SAMHD1: variants seen among roughly 807,000 people sequenced by gnomAD.
SAMHD1 encodes the protein SAM and HD domain containing deoxynucleoside triphosphate triphosphohydrolase 1.
SAMHD1 carries 54 observed loss-of-function variants against 79.6 expected under a neutral mutation model. That is an observed-to-expected ratio of 0.68 (90% CI 0.55 to 0.85). The LOEUF (loss-of-function observed/expected upper bound fraction) is 0.85, where lower values mean the gene tolerates loss of function less well. Ranked by LOEUF, SAMHD1 falls within the 40% of genes least tolerant of loss-of-function variation. The pLI is 0.00. For missense variants in SAMHD1, 663 were observed against 782.7 expected (o/e 0.85, Z 1.82); for synonymous variants, 260 against 264.1 (o/e 0.98, Z 0.15).
At chr20:36,912,382 T>A (rs1275472172) in intron 10 of SAMHD1, 79 bp downstream of exon 10, 3 of 837,292 alleles carry the variant, frequency 3.6e-6, no homozygotes, top group Non-Finnish European at 6.2e-6. Flanking sequence ...CATCTAGAAA[T>A]GTCTAGTTGA....
chr20:36,896,851 T>G (rs976609369), intron 15 of SAMHD1, among the ~76,000 whole-genome samples: 3 of 141,604 alleles, frequency 2.1e-5, no homozygotes, highest in African/African-American at 5.3e-5. Context: ...ATGAATGAAT[T>G]AATTAATTAA....
chr20:36,915,609 C>T (rs1255066706), intron 9 of SAMHD1, among the ~76,000 whole-genome samples: 1 of 151,930 alleles, frequency 6.6e-6, no homozygotes, highest in East Asian at 1.9e-4. Flanking sequence ...TGGTAGCATG[C>T]ATCTGTAAAC....
chr20:36,911,675 A>G, intron 10 of SAMHD1: 1 of 231,400 alleles, frequency 4.3e-6, no homozygotes. Context: ...GAAACTAGAT[A>G]TCTCTGAATT....
At chr20:36,919,937 A>T (rs2063495570) in intron 6 of SAMHD1, among the ~76,000 whole-genome samples, 1 of 152,164 alleles carries the variant, frequency 6.6e-6, no homozygotes, top group Admixed American at 6.6e-5. Context: ...CAAACTTGCC[A>T]GTAAAAACAA....
chr20:36,944,642 C>A (rs1201226653), intron 2 of SAMHD1, among the ~76,000 whole-genome samples: 2 of 152,136 alleles, frequency 1.3e-5, no homozygotes, highest in African/African-American at 2.4e-5. Context: ...CGCCTATAAT[C>A]CCAGCACTTT....
chr20:36,890,409 T>TCTTTCTTTCTTTCTTTC lies in SAMHD1; in HGVS notation c.*2522_*2523insGAAAGAAAGAAAGAAAG, dbSNP rs1568754701. On this transcript the variant is annotated 3_prime_UTR_variant, in exon 16 of 16. Transcript: ENST00000646673. ...AGATATTTCTTTCTCTTTCTTTCTT[T>TCTTTCTTTCTTTCTTTC]CTTTCTTTCTTTTCTTTCTCTCTTT... 6.7e-6 allele frequency: 1 copy of TCTTTCTTTCTTTCTTTC among 149,880 alleles called. No homozygotes were observed. Among genetic ancestry groups the TCTTTCTTTCTTTCTTTC allele is most frequent in the Non-Finnish European group, 1.5e-5 (1 of 67,634 alleles). 9.3% of individuals were successfully genotyped at this position (149,880 alleles called of 1,614,324 possible). A position where few individuals can be genotyped will look rare whatever the true frequency, so the allele number is the denominator to read the frequency against.
At chr20:36,934,344 T>C (rs1056715805) in intron 4 of SAMHD1, among the ~76,000 whole-genome samples, 126 of 151,346 alleles carry the variant, frequency 8.3e-4, no homozygotes, top group Non-Finnish European at 5.7e-4. Context: ...GCCAAGATGG[T>C]GAAACCCCGT....
In SAMHD1 at chr20:36,904,456, C is replaced by A; in HGVS notation, c.1411-207G>T. Reference sequence around the variant, plus strand: ...AAAAGTGGCCAGGCGCAGTGGCTCACGTCTATAATCCCAGCACTTTGGGAG... The same window carrying A: ...AAAAGTGGCCAGGCGCAGTGGCTCAAGTCTATAATCCCAGCACTTTGGGAG... On this transcript the variant is annotated intron_variant, in intron 12 of 15. Transcript: ENST00000646673. The A allele has an allele frequency of 1.3e-5, 7 of 518,670 alleles. No individual in the cohort carries two copies. The South Asian group carries it at 1.4e-4, about 10-fold the overall frequency. 32.1% of individuals were successfully genotyped at this position (518,670 alleles called of 1,614,324 possible). A position where few individuals can be genotyped will look rare whatever the true frequency, so the allele number is the denominator to read the frequency against.
rs138089277 is a variant in SAMHD1 at position 36,912,519 on chromosome 20, G to A, written c.1096C>T (p.Arg366Cys). ...VGNLYDMFHTRNSLHRRAYQH... is the reference protein window; with the variant it reads ...VGNLYDMFHTCNSLHRRAYQH... Reference sequence around the variant, plus strand: ...TAAGCTCTACGGTGTAAAGAGTTGCGAGTGTGGAACATGTCATACAGATTT... The same window carrying A: ...TAAGCTCTACGGTGTAAAGAGTTGCAAGTGTGGAACATGTCATACAGATTT... The change falls in exon 10 of 16, where the codon CGC (arginine) becomes TGC (cysteine). Residue 366 changes from arginine to cysteine, a missense_variant. Transcript: ENST00000646673. 3.7e-6 allele frequency: 6 copies of A among 1,613,056 alleles called. No individual in the cohort carries two copies. Among genetic ancestry groups the A allele is most frequent in the East Asian group, 2.2e-5 (1 of 44,864 alleles).
chr20:36,919,517 A>C lies in SAMHD1; in HGVS notation c.699T>G (p.His233Gln). Residue 233 changes from histidine (H) to glutamine (Q), a missense_variant and splice_region_variant, in exon 7 of 16, where the codon CAT becomes CAG. Physicochemically the swap from His to Gln is conservative, Grantham distance 24. Transcript: ENST00000646673. ...PLARPEVKWT[H>Q]EQGSVMMFEH... ...CAAACATCATAACTGAGCCTTGTTC[A>C]TGCTAGGAAAAGTAAGCACAATATG... 1.2e-6 allele frequency: 2 copies of C among 1,613,304 alleles called. No homozygotes were observed. The highest frequency in any genetic ancestry group is 1.7e-6 in the Non-Finnish European group (2 of 1,179,824).
chr20:36,950,642 G>T (rs111690939), intron 1 of SAMHD1, among the ~76,000 whole-genome samples: 6 of 152,304 alleles, frequency 3.9e-5, no homozygotes, highest in African/African-American at 1.4e-4. Context: ...TTCTCCAGGG[G>T]ATGTGGCCAA....
chr20:36,925,978 G>A (rs933869950), intron 6 of SAMHD1, among the ~76,000 whole-genome samples: 1 of 152,010 alleles, frequency 6.6e-6, no homozygotes, highest in African/African-American at 2.4e-5. Flanking sequence ...ATTTACCTAA[G>A]TGAAATGAAA....
chr20:36,931,651 C>G (rs989976244), intron 4 of SAMHD1, among the ~76,000 whole-genome samples: 5 of 151,138 alleles, frequency 3.3e-5, no homozygotes, highest in African/African-American at 4.9e-5. Context: ...ACCCTCCCCC[C>G]AAAAAAAGAA....
chr20:36,912,498 C>T lies in SAMHD1; in HGVS notation c.1117G>A (p.Ala373Thr). The T allele has an allele frequency of 1.2e-6, 2 of 1,613,438 alleles. No individual in the cohort carries two copies. The highest frequency in any genetic ancestry group is 2.2e-5 in the South Asian group (2 of 91,060). ...ATGTTGCCAACTTTGTGTTGATAAGCTCTACGGTGTAAAGAGTTGCGAGTG... is the reference window on the plus strand; with the variant it reads ...ATGTTGCCAACTTTGTGTTGATAAGTTCTACGGTGTAAAGAGTTGCGAGTG... ...FHTRNSLHRR[A>T]YQHKVGNIID... is the part of the protein sequence containing the mutation. The change falls in exon 10 of 16, where the codon GCT (alanine) becomes ACT (threonine). Residue 373 changes from alanine (A) to threonine (T), a missense_variant. Coordinates refer to ENST00000646673, the MANE Select transcript of SAMHD1 (RefSeq NM_015474.4).
intron 13 of SAMHD1, among the ~76,000 whole-genome samples, chr20:36,903,780 G>A (rs1026514163): frequency 6.7e-6 from 1 of 149,930 alleles, no homozygotes; most frequent in Non-Finnish European, 1.5e-5. Flanking sequence ...TTGAACTCCT[G>A]ACTCAGGTGA....
intron 15 of SAMHD1, chr20:36,894,146 AC>A (rs1990149369): frequency 2.5e-6 from 1 of 393,376 alleles, no homozygotes; most frequent in Non-Finnish European, 4.5e-6. Flanking sequence ...CTCTGCCAAA[AC>A]TTTTGTATCT....
chr20:36,917,602 G>A (rs2063483887), intron 7 of SAMHD1, among the ~76,000 whole-genome samples: 1 of 152,128 alleles, frequency 6.6e-6, no homozygotes, highest in African/African-American at 2.4e-5. Flanking sequence ...AGTGACCTGA[G>A]GTTGTGCCAC....
At chr20:36,906,479 A>G (rs145352377) in intron 11 of SAMHD1, among the ~76,000 whole-genome samples, 8 of 152,250 alleles carry the variant, frequency 5.3e-5, no homozygotes, top group African/African-American at 1.7e-4. Context: ...AAGTATTTAC[A>G]AGCAAAATTA....
intron 2 of SAMHD1, 49 bp downstream of exon 2, chr20:36,946,689 T>C (rs1568785386): frequency 1.4e-6 from 2 of 1,443,620 alleles, no homozygotes; most frequent in Non-Finnish European, 1.9e-6. Flanking sequence ...CCCTGAAAGA[T>C]GGATAAAGTG....
Sources: gnomAD v4.1 joint callset for allele counts (sites outside exome capture counted in the v4.1 genomes callset) on GRCh38, gnomAD v4.1.1 for gene constraint, MANE v1.5 for transcripts, NCBI Gene and HGNC (gene_info 2026-07-23, HGNC 2026-07-21) for gene names.